Variants in BRWD3 observed in about 807,000 individuals in gnomAD.
BRWD3 encodes the protein bromodomain and WD repeat domain containing 3.
Under a neutral mutation model 149.7 loss-of-function variants are expected in BRWD3, and 10 were observed. The observed-to-expected ratio is 0.07, with a 90% confidence interval of 0.04 to 0.11. The LOEUF (loss-of-function observed/expected upper bound fraction) is 0.11. BRWD3 is among the 10% of genes least tolerant of loss of function. The probability of loss-of-function intolerance (pLI) is 1.00; values close to 1 mark genes in which losing one functional copy is unlikely to be tolerated. For missense variants in BRWD3, 940 were observed against 1,373.2 expected (o/e 0.68, Z 4.99); for synonymous variants, 504 against 456.7 (o/e 1.10, Z -1.32).
chrX:80,726,036 G>T (rs183995951), intron 14 of BRWD3, among the ~76,000 whole-genome samples: 2 of 101,225 alleles, frequency 2.0e-5, no homozygotes, highest in Non-Finnish European at 4.1e-5. Context: ...CATATAACAT[G>T]TTTACATGTT....
At chrX:80,794,605 A>G (rs2147858188) in intron 4 of BRWD3, among the ~76,000 whole-genome samples, 1 of 110,632 alleles carries the variant, frequency 9.0e-6, no homozygotes, top group South Asian at 3.8e-4. Flanking sequence ...ATATGGAATC[A>G]GGAAGAGAAT....
At chrX:80,765,562 T>C (rs1193554410) in intron 6 of BRWD3, among the ~76,000 whole-genome samples, 3 of 112,074 alleles carry the variant, frequency 2.7e-5, no homozygotes, top group African/African-American at 9.7e-5. Flanking sequence ...TGACCAGTTA[T>C]AGAACTGAGT....
At position 80,671,262 on chromosome X, in the gene BRWD3, T is replaced by G. The variant is rs1281725963; in HGVS notation, c.*5347A>C. ...TTGAATGCACCAAGCAGCCCACATT[T>G]AAAGTGTAAACATCATATTTATTAT... is the stretch of plus-strand genomic sequence containing the variant. On this transcript the variant is annotated 3_prime_UTR_variant, in exon 41 of 41. Transcript: ENST00000373275. The G allele has an allele frequency of 1.8e-5, 2 of 112,140 alleles. No individual in the cohort carries two copies. Among genetic ancestry groups the G allele is most frequent in the Non-Finnish European group, 3.8e-5 (2 of 53,228 alleles). The allele number at this position is 112,140 out of a possible 1,213,427, so 9.2% of individuals were successfully genotyped here.
chrX:80,694,896 T>C (rs2072661963), intron 27 of BRWD3, among the ~76,000 whole-genome samples: 1 of 110,865 alleles, frequency 9.0e-6, no homozygotes. Flanking sequence ...AGTTAAGACT[T>C]TGGGGGACTG....
intron 14 of BRWD3, among the ~76,000 whole-genome samples, 198 bp downstream of exon 14, chrX:80,728,554 G>C (rs1022403004): frequency 9.0e-6 from 1 of 111,363 alleles, no homozygotes; most frequent in Non-Finnish European, 1.9e-5. Flanking sequence ...ATCTTGAAAA[G>C]ATTTCATACT....
At chrX:80,747,838 T>C (rs2073614178) in intron 6 of BRWD3, among the ~76,000 whole-genome samples, 1 of 112,024 alleles carries the variant, frequency 8.9e-6, no homozygotes. Context: ...TTTGGTGGAT[T>C]TTTAGGGTTT....
At chrX:80,761,578 C>T (rs2073803113) in intron 6 of BRWD3, among the ~76,000 whole-genome samples, 2 of 111,291 alleles carry the variant, frequency 1.8e-5, no homozygotes, top group African/African-American at 3.3e-5. Flanking sequence ...TTTGAATTAG[C>T]AGGCAAAGAT....
intron 20 of BRWD3, among the ~76,000 whole-genome samples, chrX:80,713,972 T>C (rs1423452198): frequency 9.0e-6 from 1 of 111,493 alleles, no homozygotes; most frequent in East Asian, 2.8e-4. Flanking sequence ...ACATGACAGA[T>C]AAAGAGGGGA....
chrX:80,748,031 T>C (rs2073617085), intron 6 of BRWD3, among the ~76,000 whole-genome samples: 1 of 111,656 alleles, frequency 9.0e-6, no homozygotes, highest in South Asian at 3.8e-4. Flanking sequence ...TTATTAGAGA[T>C]GGAGTTTCAA....
At chrX:80,796,006 GT>G (rs1005345980) in intron 4 of BRWD3, among the ~76,000 whole-genome samples, 1 of 110,593 alleles carries the variant, frequency 9.0e-6, no homozygotes, top group Non-Finnish European at 1.9e-5. Context: ...GATATTTTGT[GT>G]GTTTTTTTTT....
chrX:80,800,133 G>T (rs954193436), intron 4 of BRWD3, among the ~76,000 whole-genome samples: 17 of 109,256 alleles, frequency 1.6e-4, no homozygotes, highest in African/African-American at 5.3e-4. Context: ...AAAAATATAA[G>T]AAAAGTTCAC....
At chrX:80,680,742 C>T (rs2072433158) in intron 40 of BRWD3, among the ~76,000 whole-genome samples, 1 of 110,851 alleles carries the variant, frequency 9.0e-6, no homozygotes, top group Middle Eastern at 4.7e-3. Flanking sequence ...ATGAAAAATC[C>T]TAAATGTGTC....
intron 4 of BRWD3, among the ~76,000 whole-genome samples, chrX:80,795,618 T>C (rs927355151): frequency 3.6e-5 from 4 of 109,666 alleles, no homozygotes; most frequent in African/African-American, 1.3e-4. Flanking sequence ...CGGTGGCTCA[T>C]GCCTGTAATC....
chrX:80,734,228 T>A lies in BRWD3; in HGVS notation c.986-10A>T, dbSNP rs1241695456. On this transcript the variant is annotated splice_polypyrimidine_tract_variant and intron_variant, in intron 10 of 40. Coordinates refer to ENST00000373275, the MANE Select transcript of BRWD3 (RefSeq NM_153252.5). ...GTAATGAACATACCACCTAGAAGAT[T>A]AAAAAACAAAACAAAACATAGTACC... 9.1e-7 allele frequency: 1 copy of A among 1,100,270 alleles called. No individual in the cohort carries two copies. The highest frequency in any genetic ancestry group is 1.3e-6 in the Non-Finnish European group (1 of 795,881). The allele number at this position is 1,100,270 out of a possible 1,213,427, so 90.7% of individuals were successfully genotyped here.
chrX:80,805,604 C>T lies in BRWD3; in HGVS notation c.180+2935G>A, dbSNP rs1006038140. Among the ~76,000 whole-genome samples the T allele has an allele frequency of 8.0e-5, 9 of 111,820 alleles. 1 individual carries two copies. Among genetic ancestry groups the T allele is most frequent in the African/African-American group, 2.6e-4 (8 of 30,715 alleles). ...AAACATGCAGCTAAATCAAAGACCA[C>T]ACTTTATAAATCTATCATTCCAATA... is the stretch of plus-strand genomic sequence containing the variant. On this transcript the variant is annotated intron_variant, in intron 4 of 40. Coordinates refer to ENST00000373275, the MANE Select transcript of BRWD3 (RefSeq NM_153252.5).
Position 80,809,480 on chromosome X carries a change from C to T in BRWD3, c.-9G>A, listed in dbSNP as rs1306638857. The stretch of plus-strand genomic sequence containing the variant: ...GTAGGTGCTGCCGCCATCCTTTTCC[C>T]GAGGGGGTTTGGGGGCTTCGCTCCG... On this transcript the variant is annotated 5_prime_UTR_variant, in exon 1 of 41. Transcript: ENST00000373275. 9 of 1,105,189 alleles carry T rather than the reference C, an allele frequency of 8.1e-6. No individual in the cohort carries two copies. The African/African-American group carries it at 1.3e-4, about 16-fold the overall frequency. The allele number at this position is 1,105,189 out of a possible 1,213,427, so 91.1% of individuals were successfully genotyped here.
Position 80,672,658 on chromosome X carries a change from T to C in BRWD3, c.*3951A>G, listed in dbSNP as rs1239609721. On this transcript the variant is annotated 3_prime_UTR_variant, in exon 41 of 41. Transcript: ENST00000373275. ...CCATAAAAGTGACTTTAGAATATTC[T>C]ATTTCTGATAAACCTTTCATAAAGC... The C allele has an allele frequency of 2.7e-5, 3 of 112,006 alleles. No individual in the cohort carries two copies. Among genetic ancestry groups the C allele is most frequent in the Non-Finnish European group, 5.6e-5 (3 of 53,180 alleles). The allele number at this position is 112,006 out of a possible 1,213,427, so 9.2% of individuals were successfully genotyped here.
At position 80,691,991 on chromosome X, in the gene BRWD3, TA is replaced by T. The variant is rs765175433; in HGVS notation, c.3326-14del. On this transcript the variant is annotated splice_polypyrimidine_tract_variant and intron_variant, in intron 29 of 40. Transcript: ENST00000373275. ...TCTGGAAAGGCAGCTAGGTATAAGA[TA>T]AAAAAAAAAAAATTAGAAAAAATTA... 0.075 allele frequency: 48,862 copies of T among 649,644 alleles called. 112 individuals carry two copies. The highest frequency in any genetic ancestry group is 0.083 in the Non-Finnish European group (39,897 of 482,090). 53.5% of individuals were successfully genotyped at this position (649,644 alleles called of 1,213,427 possible). A position where few individuals can be genotyped will look rare whatever the true frequency, so the allele number is the denominator to read the frequency against.
Position 80,808,603 on chromosome X carries a change from G to A in BRWD3, c.121-5C>T. The A allele has an allele frequency of 8.3e-7, 1 of 1,208,026 alleles. No homozygotes were observed. ...ATCTAAGCGGCGCGGAATCAGCTGG[G>A]GGCCGGACGAAAAGAAAGGGGGAAG... On this transcript the variant is annotated splice_region_variant and splice_polypyrimidine_tract_variant and intron_variant, in intron 3 of 40. Transcript: ENST00000373275.
Sources: gnomAD v4.1 joint callset for allele counts (sites outside exome capture counted in the v4.1 genomes callset) on GRCh38, gnomAD v4.1.1 for gene constraint, MANE v1.5 for transcripts, NCBI Gene and HGNC (gene_info 2026-07-23, HGNC 2026-07-21) for gene names.